TYRP1: variants seen among roughly 807,000 people sequenced by gnomAD.
The protein encoded by TYRP1 is tyrosinase related protein 1.
Under a neutral mutation model 42.8 loss-of-function variants are expected in TYRP1, and 49 were observed. The observed-to-expected ratio is 1.14, with a 90% CI of 0.91 to 1.45. TYRP1 has a LOEUF of 1.45. TYRP1 is among the 40% of genes most tolerant of loss of function. TYRP1 has a pLI of 0.00. For missense variants in TYRP1, 848 were observed against 662.0 expected (o/e 1.28, Z -3.08); for synonymous variants, 279 against 235.4 (o/e 1.19, Z -1.69).
At position 12,709,526 on chromosome 9, in the gene TYRP1, G is replaced by T; in HGVS notation, c.*344G>T. On this transcript the variant is annotated 3_prime_UTR_variant, in exon 8 of 8. Transcript: ENST00000388918. ...TTACGTGTAAAGGAAAATAATGTTT[G>T]ATAGTAAATGTCCACTTAAAATACA... The T allele has an allele frequency of 4.0e-6, 1 of 252,992 alleles. No individual in the cohort carries two copies. The highest frequency in any genetic ancestry group is 4.8e-5 in the Admixed American group (1 of 20,624). The allele number at this position is 252,992 out of a possible 1,614,324, so 15.7% of individuals were successfully genotyped here. A position where few individuals can be genotyped will look rare whatever the true frequency, so the allele number is the denominator to read the frequency against.
chr9:12,695,139 G>A (rs1205267272), intron 2 of TYRP1, among the ~76,000 whole-genome samples: 1 of 151,788 alleles, frequency 6.6e-6, no homozygotes. Flanking sequence ...TAATTCTCTG[G>A]TCTTAACTAC....
rs773136421 is a variant in TYRP1, at chr9:12,709,128, A to G, written c.1560A>G (p.Gln520=). The G allele has an allele frequency of 8.1e-6, 13 of 1,612,690 alleles. No individual in the cohort carries two copies. The highest frequency in any genetic ancestry group is 6.7e-5 in the East Asian group (3 of 44,812). ...ANQPLLTDQY[Q]CYAEEYEKLQ... ...AGCCTCTCCTCACTGATCAGTATCA[A>G]TGCTATGCTGAAGAATATGAAAAAC... The change falls in exon 8 of 8, where the codon CAA becomes CAG. Residue 520 remains glutamine (Q), a synonymous_variant. Transcript: ENST00000388918.
Position 12,702,384 on chromosome 9 carries a change from G to A in TYRP1, c.1027G>A (p.Asp343Asn), listed in dbSNP as rs767629323. 43 of 1,612,988 alleles carry A rather than the reference G, an allele frequency of 2.7e-5. No homozygotes were observed. The highest frequency in any genetic ancestry group is 3.6e-5 in the Non-Finnish European group (42 of 1,179,418). Residue 343 changes from aspartate (D) to asparagine (N), a missense_variant, in exon 5 of 8, where the codon GAC (aspartate) becomes AAC (asparagine). Physicochemically the swap from Asp to Asn is conservative, Grantham distance 23 (BLOSUM62 1). Transcript: ENST00000388918. ...TCAGTGCTTGGAAGTTGGTTTATTT[G>A]ACACGCCTCCTTTTTATTCCAACTC... is the stretch of plus-strand genomic sequence containing the variant. ...VAQCLEVGLF[D>N]TPPFYSNSTN...
At chr9:12,697,313 A>C (rs775392807) in intron 3 of TYRP1, among the ~76,000 whole-genome samples, 2 of 152,206 alleles carry the variant, frequency 1.3e-5, no homozygotes, top group African/African-American at 2.4e-5. Context: ...TTTAAATGTA[A>C]TTCGTGGTTG....
intron 6 of TYRP1, among the ~76,000 whole-genome samples, chr9:12,705,992 A>G (rs1818252137): frequency 6.6e-6 from 1 of 152,074 alleles, no homozygotes; most frequent in Non-Finnish European, 1.5e-5. Flanking sequence ...ATACAATATG[A>G]GGGCAAATAT....
At position 12,709,138 on chromosome 9, in the gene TYRP1, G is replaced by A; in HGVS notation, c.1570G>A (p.Glu524Lys). The A allele has an allele frequency of 6.2e-7, 1 of 1,612,546 alleles. No individual in the cohort carries two copies. The highest frequency in any genetic ancestry group is 1.1e-5 in the South Asian group (1 of 91,058). ...LLTDQYQCYA[E>K]EYEKLQNPNQ... ...CACTGATCAGTATCAATGCTATGCT[G>A]AAGAATATGAAAAACTCCAGAATCC... is the stretch of plus-strand genomic sequence containing the variant. Residue 524 changes from glutamate (E) to lysine (K), a missense_variant, in exon 8 of 8, where the codon GAA (glutamate) becomes AAA (lysine). Physicochemically the swap from Glu to Lys is moderately conservative, Grantham distance 56 (BLOSUM62 1). Transcript: ENST00000388918.
rs1218773334 is a variant in TYRP1, at chr9:12,708,027, C to T, written c.1292C>T (p.Pro431Leu). The T allele has an allele frequency of 6.2e-7, 1 of 1,612,370 alleles. No homozygotes were observed. Among genetic ancestry groups the T allele is most frequent in the Non-Finnish European group, 8.5e-7 (1 of 1,179,020 alleles). ...DISTFPLENA[P>L]IGHNRQYNMV... ...TCCACATTTCCATTGGAAAATGCCC[C>T]TATTGGACATAATAGACAATACAAC... is the stretch of plus-strand genomic sequence containing the variant. Residue 431 changes from proline to leucine, a missense_variant, in exon 7 of 8, where the codon CCT (proline) becomes CTT (leucine). Coordinates refer to ENST00000388918, the MANE Select transcript of TYRP1 (RefSeq NM_000550.3).
intron 4 of TYRP1, chr9:12,700,234 A>T (rs1179272645): frequency 1.3e-5 from 2 of 151,940 alleles, no homozygotes; most frequent in Admixed American, 1.3e-4. Flanking sequence ...GATCTTGTCC[A>T]TTTCTGTAGT....
chr9:12,698,439 T>G lies in TYRP1; in HGVS notation c.709-12T>G, dbSNP rs780434350. The G allele has an allele frequency of 6.2e-7, 1 of 1,612,014 alleles. No individual in the cohort carries two copies. Among genetic ancestry groups the G allele is most frequent in the Non-Finnish European group, 8.5e-7 (1 of 1,178,390 alleles). The stretch of plus-strand genomic sequence containing the variant: ...AGAAGCAGAGAGTATTAATGTGGTT[T>G]CTGTGATCTAGGAAATGTTGCAAGA... On this transcript the variant is annotated splice_polypyrimidine_tract_variant and intron_variant, in intron 3 of 7. Coordinates refer to ENST00000388918, the MANE Select transcript of TYRP1 (RefSeq NM_000550.3).
intron 6 of TYRP1, among the ~76,000 whole-genome samples, chr9:12,705,205 A>C (rs1254671189): frequency 6.6e-6 from 1 of 152,066 alleles, no homozygotes; most frequent in Non-Finnish European, 1.5e-5. Context: ...ACTATAGGAA[A>C]TCTCTTTTAA....
intron 3 of TYRP1, 130 bp downstream of exon 3, chr9:12,695,967 G>C (rs1319024145): frequency 1.1e-6 from 1 of 920,770 alleles, no homozygotes; most frequent in Admixed American, 2.5e-5. Context: ...TTACTAACCT[G>C]TCTTTGGCAT....
chr9:12,699,946 T>G (rs1818139686), intron 4 of TYRP1, among the ~76,000 whole-genome samples: 1 of 152,042 alleles, frequency 6.6e-6, no homozygotes, highest in South Asian at 2.1e-4. Context: ...TCATCATAAT[T>G]TTTCTTGTCA....
chr9:12,705,131 T>C (rs1216373814), intron 6 of TYRP1, among the ~76,000 whole-genome samples: 10 of 152,068 alleles, frequency 6.6e-5, no homozygotes, highest in Non-Finnish European at 1.5e-5. Context: ...TTTTATTACT[T>C]AATGGCCCCT....
At chr9:12,694,428 G>A in intron 2 of TYRP1, 47 bp downstream of exon 2, 1 of 1,604,422 alleles carries the variant, frequency 6.2e-7, no homozygotes, top group South Asian at 1.1e-5. Context: ...TGAGACTCAA[G>A]GCTCTTAATA....
At chr9:12,705,493 T>C (rs888654934) in intron 6 of TYRP1, among the ~76,000 whole-genome samples, 3 of 152,068 alleles carry the variant, frequency 2.0e-5, no homozygotes, top group African/African-American at 7.2e-5. Flanking sequence ...AATAACGTCC[T>C]CTAATCCAAC....
At position 12,709,077 on chromosome 9, in the gene TYRP1, C is replaced by T. The variant is rs768848671; in HGVS notation, c.1509C>T (p.Ala503=). ...GGACTGCTTCTTATCTGATTCGTGC[C>T]AGACGCAGTATGGATGAAGCTAACC... ...IFGTASYLIR[A]RRSMDEANQP... is the part of the protein sequence containing the mutation. The change falls in exon 8 of 8, where the codon GCC becomes GCT. Residue 503 remains alanine, a synonymous_variant. Transcript: ENST00000388918. 14 of 1,612,754 alleles carry T rather than the reference C, an allele frequency of 8.7e-6. No homozygotes were observed. Among genetic ancestry groups the T allele is most frequent in the Admixed American group, 1.7e-5 (1 of 59,812 alleles).
intron 4 of TYRP1, among the ~76,000 whole-genome samples, chr9:12,700,979 G>T (rs1818158075): frequency 6.6e-6 from 1 of 151,958 alleles, no homozygotes; most frequent in Non-Finnish European, 1.5e-5. Context: ...ATAGAACATG[G>T]GAGGCTTTCT....
rs1265361616 is a variant in TYRP1 at position 12,709,000 on chromosome 9, A to C, written c.1432A>C (p.Ile478Leu). The change falls in exon 8 of 8, where the codon ATA (isoleucine) becomes CTA (leucine). Residue 478 changes from isoleucine to leucine, a missense_variant. Physicochemically the swap from Ile to Leu is conservative, Grantham distance 5. Transcript: ENST00000388918. ...AGGTCGGGAGTTTAGTGTACCTGAGATAATTGCCATAGCAGTAGTTGGCGC... is the reference window on the plus strand; with the variant it reads ...AGGTCGGGAGTTTAGTGTACCTGAGCTAATTGCCATAGCAGTAGTTGGCGC... ...WPSREFSVPEIIAIAVVGALL... is the reference protein window; with the variant it reads ...WPSREFSVPELIAIAVVGALL... 1 of 1,612,506 alleles carries C rather than the reference A, an allele frequency of 6.2e-7. No individual in the cohort carries two copies. The highest frequency in any genetic ancestry group is 1.3e-5 in the African/African-American group (1 of 74,902).
Position 12,695,854 on chromosome 9 carries a change from T to G in TYRP1, c.708+17T>G, listed in dbSNP as rs768796774. Reference sequence around the variant, plus strand: ...GACATGCAGGTATGTAAGAAGCATTTCAGTTTGCAGACTCTTTACAGACAA... The same window carrying G: ...GACATGCAGGTATGTAAGAAGCATTGCAGTTTGCAGACTCTTTACAGACAA... On this transcript the variant is annotated intron_variant, in intron 3 of 7. Coordinates refer to ENST00000388918, the MANE Select transcript of TYRP1 (RefSeq NM_000550.3). 1 of 1,612,980 alleles carries G rather than the reference T, an allele frequency of 6.2e-7. No homozygotes were observed. Among genetic ancestry groups the G allele is most frequent in the South Asian group, 1.1e-5 (1 of 91,062 alleles).
Sources: gnomAD v4.1 joint callset for allele counts (sites outside exome capture counted in the v4.1 genomes callset) on GRCh38, gnomAD v4.1.1 for gene constraint, MANE v1.5 for transcripts, NCBI Gene and HGNC (gene_info 2026-07-23, HGNC 2026-07-21) for gene names.